ADGRL3: variants seen among roughly 807,000 people sequenced by gnomAD.
ADGRL3 encodes calcium-independent alpha-latrotoxin receptor 3.
In ADGRL3, 62 loss-of-function variants were observed where a neutral mutation model predicts 153.5. That is an observed-to-expected ratio of 0.40 (90% CI 0.33 to 0.50). The LOEUF (loss-of-function observed/expected upper bound fraction) is 0.50. Among genes scored for constraint, ADGRL3 ranks in the 20% least tolerant of loss-of-function variants. The pLI, the probability that ADGRL3 is intolerant of heterozygous loss-of-function variation, is 0.47. For missense variants in ADGRL3, 1,641 were observed against 1,859.4 expected (o/e 0.88, Z 2.16); for synonymous variants, 710 against 672.5 (o/e 1.06, Z -0.86).
intron 2 of ADGRL3, among the ~76,000 whole-genome samples, chr4:61,398,389 A>G (rs182558949): frequency 1.1e-3 from 171 of 151,310 alleles, no homozygotes; most frequent in African/African-American, 4.0e-3. Context: ...CCACATTCCA[A>G]CCTGAAGATT....
At chr4:61,476,093 A>C (rs1423665808) in intron 2 of ADGRL3, among the ~76,000 whole-genome samples, 1 of 152,190 alleles carries the variant, frequency 6.6e-6, no homozygotes, top group Non-Finnish European at 1.5e-5. Context: ...TCTGTTGCAC[A>C]ACAGCCATAG....
chr4:61,906,380 C>T (rs181523086), intron 11 of ADGRL3: 4 of 152,000 alleles, frequency 2.6e-5, no homozygotes, highest in African/African-American at 9.6e-5. Flanking sequence ...GCTATACAAC[C>T]CCCACACTGC....
intron 1 of ADGRL3, among the ~76,000 whole-genome samples, chr4:61,314,681 G>A (rs2095142334): frequency 6.6e-6 from 1 of 152,152 alleles, no homozygotes; most frequent in Admixed American, 6.5e-5. Context: ...TCAAACCCAA[G>A]GTTTATTGCC....
chr4:62,051,060 G>A (rs773162250), intron 25 of ADGRL3, among the ~76,000 whole-genome samples: 28 of 150,264 alleles, frequency 1.9e-4, no homozygotes, highest in Non-Finnish European at 3.4e-4. Flanking sequence ...TGAGGCAACA[G>A]CGTTCTGTGT....
At chr4:61,405,293 T>C (rs766701300) in intron 2 of ADGRL3, among the ~76,000 whole-genome samples, 11 of 152,052 alleles carry the variant, frequency 7.2e-5, no homozygotes, top group Non-Finnish European at 1.3e-4. Context: ...TTCATGTGTG[T>C]GTAATTAGTA....
At chr4:61,789,574 C>T (rs1035278717) in intron 8 of ADGRL3, among the ~76,000 whole-genome samples, 7 of 152,080 alleles carry the variant, frequency 4.6e-5, no homozygotes, top group African/African-American at 1.7e-4. Flanking sequence ...TATGCTTGAG[C>T]GATTATATGC....
intron 8 of ADGRL3, among the ~76,000 whole-genome samples, chr4:61,789,409 C>T (rs1158396645): frequency 6.6e-6 from 1 of 152,108 alleles, no homozygotes; most frequent in Admixed American, 6.6e-5. Context: ...AATTAATCAC[C>T]AAGCGTGCTG....
chr4:61,204,088 C>T (rs6551608), intron 1 of ADGRL3, among the ~76,000 whole-genome samples: 97,483 of 152,014 alleles, frequency 0.64, 31,608 homozygotes, highest in Middle Eastern at 0.74. Context: ...AATACTTGTG[C>T]TCTATTTTGT....
chr4:61,309,018 C>T (rs1415330051), intron 1 of ADGRL3, among the ~76,000 whole-genome samples: 3 of 151,958 alleles, frequency 2.0e-5, no homozygotes, highest in Non-Finnish European at 2.9e-5. Context: ...ATTTTTGCTG[C>T]ACTTGTAGAC....
chr4:61,649,025 C>G (rs562745642), intron 5 of ADGRL3, among the ~76,000 whole-genome samples: 1 of 151,928 alleles, frequency 6.6e-6, no homozygotes, highest in East Asian at 1.9e-4. Flanking sequence ...AAATCTAATT[C>G]CTAAAAGTAA....
intron 1 of ADGRL3, among the ~76,000 whole-genome samples, chr4:61,370,020 G>A (rs1226925280): frequency 3.3e-5 from 5 of 152,036 alleles, no homozygotes; most frequent in Non-Finnish European, 5.9e-5. Context: ...TTTGCATAGA[G>A]GTGTTTGTAG....
Position 61,898,636 on chromosome 4 carries a change from T to G in ADGRL3, c.1887+2802T>G, listed in dbSNP as rs561530069. Among the ~76,000 whole-genome samples the G allele has an allele frequency of 1.5e-4, 23 of 151,674 alleles. No individual in the cohort carries two copies. In the East Asian group the frequency reaches 2.5e-3, roughly 17 times the overall value. On this transcript the variant is annotated intron_variant, in intron 11 of 26. Transcript: ENST00000683033. The stretch of plus-strand genomic sequence containing the variant: ...CTCACCCTAATCTTTTTTTTTTTTT[T>G]GAGATGAAGTCTCGCTCTGTCACCC...
chr4:61,362,814 A>G (rs1186840470), intron 1 of ADGRL3, among the ~76,000 whole-genome samples: 1 of 152,156 alleles, frequency 6.6e-6, no homozygotes, highest in Non-Finnish European at 1.5e-5. Flanking sequence ...GTCAAACTAT[A>G]TAAAGTTTCA....
chr4:61,694,547 C>A (rs2095606403), intron 6 of ADGRL3, among the ~76,000 whole-genome samples: 4 of 152,076 alleles, frequency 2.6e-5, no homozygotes, highest in Non-Finnish European at 4.4e-5. Flanking sequence ...ATGTGGTAAC[C>A]ATCATCTGAG....
intron 4 of ADGRL3, among the ~76,000 whole-genome samples, chr4:61,554,691 C>T (rs986320335): frequency 1.3e-5 from 2 of 152,104 alleles, no homozygotes; most frequent in Non-Finnish European, 2.9e-5. Flanking sequence ...ACTTTAATTT[C>T]AGTGGCCATA....
intron 6 of ADGRL3, chr4:61,677,287 A>G: frequency 3.2e-6 from 1 of 311,940 alleles, no homozygotes; most frequent in African/African-American, 2.2e-5. Flanking sequence ...ACAATTTTAT[A>G]TGTAATGTAT....
intron 19 of ADGRL3, among the ~76,000 whole-genome samples, chr4:61,986,872 C>A (rs1356572225): frequency 6.6e-6 from 1 of 152,058 alleles, no homozygotes; most frequent in Non-Finnish European, 1.5e-5. Context: ...CTATACAGTG[C>A]TGTTTTCCCA....
intron 9 of ADGRL3, among the ~76,000 whole-genome samples, chr4:61,816,045 A>G (rs926804119): frequency 6.6e-6 from 1 of 152,244 alleles, no homozygotes; most frequent in Admixed American, 6.5e-5. Context: ...TTATAAATCA[A>G]TGCATTGCTT....
At chr4:61,547,541 T>G (rs1457880473) in intron 4 of ADGRL3, among the ~76,000 whole-genome samples, 1 of 152,134 alleles carries the variant, frequency 6.6e-6, no homozygotes, top group Non-Finnish European at 1.5e-5. Context: ...GTTAGTTTAC[T>G]TAGGATAATG....
Sources: gnomAD v4.1 joint callset for allele counts (sites outside exome capture counted in the v4.1 genomes callset) on GRCh38, gnomAD v4.1.1 for gene constraint, MANE v1.5 for transcripts, NCBI Gene and HGNC (gene_info 2026-07-23, HGNC 2026-07-21) for gene names.